Variants in TRAP1 observed in about 807,000 individuals in gnomAD.
TRAP1 encodes TNF receptor associated protein 1, also known as heat shock protein 75 kDa, mitochondrial.
TRAP1 carries 102 observed loss-of-function variants against 89.1 expected under a neutral mutation model. The observed-to-expected ratio is 1.15, with a 90% CI of 0.98 to 1.35. The LOEUF is 1.35. Among genes scored for constraint, TRAP1 ranks in the 40% most tolerant of loss-of-function variants. The probability of loss-of-function intolerance (pLI) is 0.00; values close to 1 mark genes in which losing one functional copy is unlikely to be tolerated. For missense variants in TRAP1, 1,256 were observed against 945.3 expected, an observed-to-expected ratio of 1.33 and a Z score of -4.31; for synonymous variants, 508 against 388.0, an observed-to-expected ratio of 1.31 and a Z score of -3.64.
At chr16:3,674,660 C>A (rs2050963634) in intron 8 of TRAP1, 166 bp from the exon 9 acceptor site, 1 of 792,878 alleles carries the variant, frequency 1.3e-6, no homozygotes, top group Admixed American at 2.8e-5. Context: ...CTGGGCTATG[C>A]CGGGTAGTGC....
chr16:3,681,645 T>G (rs954504555), intron 4 of TRAP1, among the ~76,000 whole-genome samples: 3 of 152,210 alleles, frequency 2.0e-5, no homozygotes, highest in African/African-American at 7.2e-5. Flanking sequence ...TAGTATCTAG[T>G]TGATATCAGT....
chr16:3,715,713 A>G (rs117536656), intron 1 of TRAP1, among the ~76,000 whole-genome samples: 1,927 of 152,260 alleles, frequency 0.013, 32 homozygotes, highest in South Asian at 0.045. Context: ...TTTGGAGGGC[A>G]AGGCAGGCAG....
At position 3,676,021 on chromosome 16, in the gene TRAP1, C is replaced by T. The variant is rs373828389; in HGVS notation, c.814+15G>A. 536 of 1,606,004 alleles carry T rather than the reference C, an allele frequency of 3.3e-4. 5 individuals carry two copies. In the South Asian group the frequency reaches 4.4e-3, roughly 13 times the overall value. On this transcript the variant is annotated intron_variant, in intron 7 of 17. Transcript: ENST00000246957. ...ATGGATCCCAGAGTGAGCCTGGGCC[C>T]GGGCTCCCGCTCACCTCGCACCCGG...
intron 4 of TRAP1, 60 bp downstream of exon 4, chr16:3,685,936 C>T (rs2051132417): frequency 7.0e-6 from 11 of 1,579,726 alleles, no homozygotes; most frequent in African/African-American, 2.7e-5. Flanking sequence ...CACTAGAAGG[C>T]GGATCCTGTC....
chr16:3,716,390 G>C (rs1054264543), intron 1 of TRAP1, among the ~76,000 whole-genome samples: 1 of 152,174 alleles, frequency 6.6e-6, no homozygotes, highest in Non-Finnish European at 1.5e-5. Flanking sequence ...AAATATTTAA[G>C]TACTCACCCA....
At chr16:3,692,657 G>A (rs1471580886) in intron 1 of TRAP1, among the ~76,000 whole-genome samples, 1 of 142,140 alleles carries the variant, frequency 7.0e-6, no homozygotes, top group Non-Finnish European at 1.5e-5. Context: ...GCAGTGCAAT[G>A]GTGCAATCTC....
chr16:3,658,328 G>T, intron 17 of TRAP1, 98 bp from the exon 18 acceptor site: 1 of 961,780 alleles, frequency 1.0e-6, no homozygotes, highest in Non-Finnish European at 1.6e-6. Context: ...AGGCTGGAGT[G>T]CAGAGGCACG....
rs780424369 is a variant in TRAP1, at chr16:3,664,412, G to A, written c.1431C>T (p.Ser477=). 7.6e-5 allele frequency: 122 copies of A among 1,611,808 alleles called. 1 individual carries two copies. Among genetic ancestry groups the A allele is most frequent in the South Asian group, 2.9e-4 (26 of 90,790 alleles). The part of the protein sequence containing the change: ...LLRYESSALP[S]GQLTSLSEYA... Reference sequence around the variant, plus strand: ...ATTCTGAGAGGCTGGTTAGCTGCCCGGAGGGCAGCGCCGAGGACTCGTAGC... The same window carrying A: ...ATTCTGAGAGGCTGGTTAGCTGCCCAGAGGGCAGCGCCGAGGACTCGTAGC... Residue 477 remains serine (S), a synonymous_variant, in exon 13 of 18, where the codon TCC becomes TCT. Coordinates refer to ENST00000246957, the MANE Select transcript of TRAP1 (RefSeq NM_016292.3).
chr16:3,698,466 C>T (rs1035833458), intron 1 of TRAP1, among the ~76,000 whole-genome samples: 1 of 151,852 alleles, frequency 6.6e-6, no homozygotes, highest in Non-Finnish European at 1.5e-5. Flanking sequence ...CCATGCCCGG[C>T]TAATTTTTTG....
chr16:3,692,704 T>G (rs991655421), intron 1 of TRAP1, among the ~76,000 whole-genome samples: 1 of 149,120 alleles, frequency 6.7e-6, no homozygotes, highest in African/African-American at 2.5e-5. Flanking sequence ...GTTCAAGCGA[T>G]TCTCCTGCCT....
intron 16 of TRAP1, chr16:3,659,144 C>T (rs767809551): frequency 1.2e-5 from 4 of 338,532 alleles, no homozygotes; most frequent in Non-Finnish European, 2.1e-5. Context: ...TGAAGACATG[C>T]CTTGGTTCCT....
At chr16:3,693,343 T>C (rs1196609053) in intron 1 of TRAP1, among the ~76,000 whole-genome samples, 1 of 151,808 alleles carries the variant, frequency 6.6e-6, no homozygotes, top group Admixed American at 6.6e-5. Flanking sequence ...AACATCCAGT[T>C]ATTTGGGCCC....
intron 1 of TRAP1, among the ~76,000 whole-genome samples, chr16:3,709,647 C>CT (rs148037686): frequency 0.07 from 10,661 of 151,740 alleles, 1,197 homozygotes; most frequent in African/African-American, 0.24. Context: ...CTTTGTTTCC[C>CT]TTTTTTTTGT....
At chr16:3,671,651 C>T in intron 11 of TRAP1, 71 bp downstream of exon 11, 1 of 1,541,028 alleles carries the variant, frequency 6.5e-7, no homozygotes, top group Non-Finnish European at 8.8e-7. Context: ...CGGCTAGGGC[C>T]CTCTGGGGGC....
chr16:3,714,504 C>G (rs2051571845), intron 1 of TRAP1, among the ~76,000 whole-genome samples: 1 of 152,110 alleles, frequency 6.6e-6, no homozygotes, highest in South Asian at 2.1e-4. Context: ...ATTAAAAATA[C>G]AAAACCTAGC....
At chr16:3,675,950 A>G (rs1044363249) in intron 7 of TRAP1, 86 bp downstream of exon 7, 1 of 1,198,218 alleles carries the variant, frequency 8.3e-7, no homozygotes, top group South Asian at 1.4e-5. Context: ...ACGTGCAGGT[A>G]GAACCAGGGA....
chr16:3,681,928 G>A (rs750983698), intron 4 of TRAP1, among the ~76,000 whole-genome samples: 33 of 152,276 alleles, frequency 2.2e-4, no homozygotes, highest in South Asian at 4.1e-4. Context: ...AACGAAGTTG[G>A]AGAATTTAAA....
At chr16:3,659,060 G>C (rs2042909543) in intron 16 of TRAP1, 195 bp from the exon 17 acceptor site, 2 of 590,850 alleles carry the variant, frequency 3.4e-6, no homozygotes, top group Admixed American at 3.4e-5. Flanking sequence ...AGGAGTGTCA[G>C]TATTAGAAAA....
chr16:3,698,284 T>C (rs2151275464), intron 1 of TRAP1, among the ~76,000 whole-genome samples: 1 of 152,072 alleles, frequency 6.6e-6, no homozygotes, highest in Middle Eastern at 3.4e-3. Flanking sequence ...TAAAAGCAGA[T>C]TTGATTTCAG....
Sources: allele counts gnomAD v4.1 joint callset (sites outside exome capture counted in the v4.1 genomes callset), GRCh38; gene constraint gnomAD v4.1.1; transcripts MANE v1.5; gene names NCBI Gene and HGNC (gene_info 2026-07-23, HGNC 2026-07-21).